The following CACNB2 variants were observed in gnomAD, a reference collection of about 807,000 sequenced individuals.
CACNB2 encodes the protein calcium voltage-gated channel auxiliary subunit beta 2, also known as voltage-dependent L-type calcium channel subunit beta-2.
A neutral mutation model predicts 73.3 loss-of-function variants in CACNB2; 42 were observed. The observed-to-expected ratio is 0.57, with a 90% CI of 0.45 to 0.74. The LOEUF (loss-of-function observed/expected upper bound fraction) is 0.74. Ranked by LOEUF, CACNB2 falls within the 30% of genes least tolerant of loss-of-function variation. The pLI is 0.00. For synonymous variants in CACNB2, 348 were observed against 310.3 expected (o/e 1.12, Z -1.28); for missense variants, 940 against 853.0 (o/e 1.10, Z -1.27).
chr10:18,516,950 A>C (rs913666546), intron 7 of CACNB2, among the ~76,000 whole-genome samples: 1 of 152,088 alleles, frequency 6.6e-6, no homozygotes, highest in African/African-American at 2.4e-5. Flanking sequence ...CTCTGATTAT[A>C]TCGTCTGTGA....
intron 3 of CACNB2, among the ~76,000 whole-genome samples, chr10:18,404,923 A>T (rs927234143): frequency 6.6e-6 from 1 of 152,240 alleles, no homozygotes; most frequent in Admixed American, 6.5e-5. Context: ...TGAGGCCAAT[A>T]AATACCAACT....
At chr10:18,354,608 T>C (rs1456927351) in intron 2 of CACNB2, among the ~76,000 whole-genome samples, 1 of 152,200 alleles carries the variant, frequency 6.6e-6, no homozygotes, top group Non-Finnish European at 1.5e-5. Flanking sequence ...TTGTTGTTGC[T>C]GTTTTTGCTT....
At chr10:18,422,095 G>A (rs188723822) in intron 3 of CACNB2, among the ~76,000 whole-genome samples, 65 of 152,326 alleles carry the variant, frequency 4.3e-4, no homozygotes, top group Admixed American at 9.8e-4. Context: ...AGACGAACAT[G>A]AACAAAACCA....
At chr10:18,157,315 C>T (rs1276295604) in intron 2 of CACNB2, among the ~76,000 whole-genome samples, 1 of 152,230 alleles carries the variant, frequency 6.6e-6, no homozygotes, top group East Asian at 1.9e-4. Flanking sequence ...TCTGGCTTTG[C>T]TATTTATTAG....
Position 18,539,780 on chromosome 10 carries a change from G to A in CACNB2, c.*56G>A. 3 of 1,525,304 alleles carry A rather than the reference G, an allele frequency of 2.0e-6. No homozygotes were observed. The highest frequency in any genetic ancestry group is 4.8e-5 in the East Asian group (2 of 41,814). The allele number at this position is 1,525,304 out of a possible 1,614,324, so 94.5% of individuals were successfully genotyped here. A position where few individuals can be genotyped will look rare whatever the true frequency, so the allele number is the denominator to read the frequency against. Reference sequence around the variant, plus strand: ...TTTTTGAAGTCTTGTATAACTAACAGCATCCCCAAAACAAAGTCTTTGGGG... The same window carrying A: ...TTTTTGAAGTCTTGTATAACTAACAACATCCCCAAAACAAAGTCTTTGGGG... On this transcript the variant is annotated 3_prime_UTR_variant, in exon 14 of 14. Transcript: ENST00000324631.
intron 1 of CACNB2, 74 bp from the exon 2 acceptor site, chr10:18,150,809 C>A: frequency 2.1e-6 from 2 of 943,862 alleles, no homozygotes; most frequent in Non-Finnish European, 3.2e-6. Context: ...TTTTCTGCAA[C>A]TAGGCCTACA....
chr10:18,294,023 G>C (rs2039176684), intron 2 of CACNB2, among the ~76,000 whole-genome samples: 2 of 152,122 alleles, frequency 1.3e-5, no homozygotes, highest in African/African-American at 4.8e-5. Context: ...GTTTCCATTT[G>C]GATATTTATT....
At chr10:18,328,764 C>A (rs1374750678) in intron 2 of CACNB2, among the ~76,000 whole-genome samples, 1 of 152,316 alleles carries the variant, frequency 6.6e-6, no homozygotes. Context: ...GTTGGTTAAG[C>A]AAGCTTCAGG....
chr10:18,435,698 C>T (rs1057390314), intron 3 of CACNB2, among the ~76,000 whole-genome samples: 35 of 151,984 alleles, frequency 2.3e-4, no homozygotes, highest in African/African-American at 8.5e-4. Context: ...TGGGGTTTCG[C>T]CATGTTGCCC....
chr10:18,144,911 G>A lies in CACNB2; in HGVS notation c.120+4055G>A, dbSNP rs577354106. On this transcript the variant is annotated intron_variant, in intron 1 of 13. Transcript: ENST00000324631. ...AGTATGAAACTGGTAATTCTCCAGG[G>A]AATTGAATAGCTCCTGCGTGAAGGT... 3.3e-5 allele frequency among the ~76,000 whole-genome samples: 5 copies of A among 152,298 alleles called. No homozygotes were observed. The South Asian group carries it at 8.3e-4, about 25-fold the overall frequency.
At chr10:18,227,471 G>A (rs1404335454) in intron 2 of CACNB2, among the ~76,000 whole-genome samples, 2 of 152,186 alleles carry the variant, frequency 1.3e-5, no homozygotes, top group Admixed American at 6.5e-5. Flanking sequence ...GCGCAGAGAT[G>A]GGGGTACTAA....
At chr10:18,151,447 C>T (rs1478347740) in intron 2 of CACNB2, among the ~76,000 whole-genome samples, 1 of 152,082 alleles carries the variant, frequency 6.6e-6, no homozygotes, top group Non-Finnish European at 1.5e-5. Context: ...ACAGAACATG[C>T]AGTATCACTG....
intron 2 of CACNB2, among the ~76,000 whole-genome samples, chr10:18,185,780 T>C (rs1466730734): frequency 1.3e-5 from 2 of 152,120 alleles, no homozygotes; most frequent in African/African-American, 4.8e-5. Flanking sequence ...TTAATAAATA[T>C]TTATTCTGTG....
chr10:18,443,712 A>G (rs2046588591), intron 3 of CACNB2, among the ~76,000 whole-genome samples: 1 of 130,970 alleles, frequency 7.6e-6, no homozygotes, highest in Non-Finnish European at 1.6e-5. Context: ...CAATTCCTAC[A>G]TACCTTTTTT....
chr10:18,309,029 G>A (rs7896848), intron 2 of CACNB2, among the ~76,000 whole-genome samples: 28,318 of 151,892 alleles, frequency 0.19, 2,728 homozygotes, highest in Middle Eastern at 0.24. Context: ...CTTATTCCTC[G>A]GAAGTGATGC....
At chr10:18,201,863 T>A (rs2034897158) in intron 2 of CACNB2, among the ~76,000 whole-genome samples, 1 of 152,230 alleles carries the variant, frequency 6.6e-6, no homozygotes, top group Non-Finnish European at 1.5e-5. Flanking sequence ...CCTGACATTT[T>A]TAAAATGTCT....
At chr10:18,382,478 C>T (rs998402684) in intron 2 of CACNB2, among the ~76,000 whole-genome samples, 4 of 152,044 alleles carry the variant, frequency 2.6e-5, no homozygotes, top group Non-Finnish European at 5.9e-5. Context: ...TACCTATCAA[C>T]CCATCACCTA....
intron 2 of CACNB2, among the ~76,000 whole-genome samples, chr10:18,248,170 T>A (rs1276737572): frequency 2.0e-5 from 3 of 152,222 alleles, no homozygotes; most frequent in African/African-American, 7.2e-5. Flanking sequence ...TCAAATTCAG[T>A]AGAAAAGCCC....
At chr10:18,520,835 T>C (rs1378425673) in intron 9 of CACNB2, among the ~76,000 whole-genome samples, 2 of 152,238 alleles carry the variant, frequency 1.3e-5, no homozygotes, top group African/African-American at 4.8e-5. Flanking sequence ...CTCCTTGGTA[T>C]ACGTGTGTAC....
Sources: allele counts gnomAD v4.1 joint callset (sites outside exome capture counted in the v4.1 genomes callset), GRCh38; gene constraint gnomAD v4.1.1; transcripts MANE v1.5; gene names NCBI Gene and HGNC (gene_info 2026-07-23, HGNC 2026-07-21).